CDH18: variants seen among roughly 807,000 people sequenced by gnomAD.
CDH18 encodes cadherin 18.
In CDH18, 31 loss-of-function variants were observed where a neutral mutation model predicts 67.9. The ratio of observed to expected loss-of-function variants is 0.46; its 90% CI spans 0.34 to 0.62. The LOEUF (loss-of-function observed/expected upper bound fraction) is 0.62. Ranked by LOEUF, CDH18 falls within the 20% of genes least tolerant of loss-of-function variation. The pLI is 0.01. For missense variants in CDH18, 890 were observed against 975.5 expected, an observed-to-expected ratio of 0.91 and a Z score of 1.17; for synonymous variants, 362 against 347.2, an observed-to-expected ratio of 1.04 and a Z score of -0.48.
chr5:20,147,695 AC>A (rs1750765868), intron 2 of CDH18, among the ~76,000 whole-genome samples: 1 of 151,976 alleles, frequency 6.6e-6, no homozygotes, highest in Non-Finnish European at 1.5e-5. Context: ...CAAAGTTGAA[AC>A]CTTTTTTGGT....
rs560956651 is a variant in CDH18 at position 20,368,569 on chromosome 5, A to G, written c.-579-113064T>C. Among the ~76,000 whole-genome samples the G allele has an allele frequency of 2.6e-5, 4 of 152,322 alleles. No homozygotes were observed. The South Asian group carries it at 8.3e-4, about 32-fold the overall frequency. On this transcript the variant is annotated intron_variant, in intron 1 of 14. Transcript: ENST00000507958. ...TTTTGAGGAGAGTGAATTTATTTTA[A>G]TGTGGCAGTTCTACTTTTGAATTGA... is the stretch of plus-strand genomic sequence containing the variant.
chr5:19,691,759 C>T (rs939535653), intron 5 of CDH18, among the ~76,000 whole-genome samples: 4 of 151,772 alleles, frequency 2.6e-5, no homozygotes, highest in African/African-American at 9.7e-5. Context: ...ATCCCACGCT[C>T]TTGGAAAGAA....
intron 1 of CDH18, among the ~76,000 whole-genome samples, chr5:20,538,922 T>TTTTTTTTTC: frequency 6.8e-6 from 1 of 148,130 alleles, no homozygotes; most frequent in Non-Finnish European, 1.5e-5. Context: ...TTTTTTTTTT[T>TTTTTTTTTC]TTGTCGCCCA....
At chr5:19,890,490 A>C (rs907190676) in intron 2 of CDH18, among the ~76,000 whole-genome samples, 1 of 152,152 alleles carries the variant, frequency 6.6e-6, no homozygotes, top group Non-Finnish European at 1.5e-5. Flanking sequence ...GCTAAGCTCC[A>C]TTCAAAGATA....
At chr5:20,388,396 A>G (rs895142874) in intron 1 of CDH18, among the ~76,000 whole-genome samples, 3 of 151,434 alleles carry the variant, frequency 2.0e-5, no homozygotes, top group African/African-American at 7.3e-5. Flanking sequence ...TTGTATTTCT[A>G]TGGGATCGGT....
intron 11 of CDH18, among the ~76,000 whole-genome samples, chr5:19,485,941 A>G (rs566516963): frequency 1.1e-4 from 17 of 152,182 alleles, no homozygotes; most frequent in Admixed American, 3.3e-4. Context: ...GAAGCATGCT[A>G]TTTTCAGGAA....
intron 5 of CDH18, among the ~76,000 whole-genome samples, chr5:19,644,234 A>G (rs1038021764): frequency 1.3e-5 from 2 of 152,170 alleles, no homozygotes; most frequent in African/African-American, 2.4e-5. Context: ...TTATCCAAGC[A>G]GCATAAGCTT....
chr5:19,958,264 G>A (rs764112603), intron 2 of CDH18, among the ~76,000 whole-genome samples: 4 of 149,760 alleles, frequency 2.7e-5, no homozygotes, highest in South Asian at 2.1e-4. Flanking sequence ...GCCATGTTGC[G>A]ATGCCCAATA....
intron 3 of CDH18, among the ~76,000 whole-genome samples, chr5:19,806,566 T>C (rs1035831653): frequency 1.3e-5 from 2 of 152,210 alleles, no homozygotes; most frequent in African/African-American, 2.4e-5. Flanking sequence ...TGAAGAATAC[T>C]AGTTCAATAT....
chr5:20,360,085 ATGT>A (rs1441135538), intron 1 of CDH18, among the ~76,000 whole-genome samples: 47 of 25,502 alleles, frequency 1.8e-3, no homozygotes, highest in African/African-American at 3.5e-3. Flanking sequence ...ACTATAATAT[ATGT>A]TATATATTAT....
intron 1 of CDH18, among the ~76,000 whole-genome samples, chr5:20,400,566 G>A (rs1157956419): frequency 6.7e-6 from 1 of 149,690 alleles, no homozygotes; most frequent in Non-Finnish European, 1.5e-5. Flanking sequence ...ATTGAGACCA[G>A]CCTGGCCAAC....
At chr5:20,088,294 C>A (rs1745142695) in intron 2 of CDH18, among the ~76,000 whole-genome samples, 1 of 152,200 alleles carries the variant, frequency 6.6e-6, no homozygotes, top group South Asian at 2.1e-4. Context: ...GAATATTTGA[C>A]TTCCTAGTAT....
intron 1 of CDH18, among the ~76,000 whole-genome samples, chr5:20,384,167 A>G (rs990309080): frequency 6.6e-6 from 1 of 152,200 alleles, no homozygotes; most frequent in Non-Finnish European, 1.5e-5. Flanking sequence ...ATTCTCAACC[A>G]TAGGCAAAAT....
intron 2 of CDH18, among the ~76,000 whole-genome samples, chr5:19,853,538 T>C (rs1378882672): frequency 6.6e-6 from 1 of 152,130 alleles, no homozygotes; most frequent in African/African-American, 2.4e-5. Context: ...GTAGTTTTTA[T>C]TGTGCCACAT....
intron 1 of CDH18, among the ~76,000 whole-genome samples, chr5:20,309,178 A>T (rs1421880171): frequency 6.6e-6 from 1 of 152,214 alleles, no homozygotes; most frequent in African/African-American, 2.4e-5. Context: ...TCTATCTCAT[A>T]CAAGTTATAG....
chr5:20,150,437 T>C (rs993049321), intron 2 of CDH18, among the ~76,000 whole-genome samples: 2 of 152,038 alleles, frequency 1.3e-5, no homozygotes, highest in Non-Finnish European at 2.9e-5. Context: ...CTATGAAGTA[T>C]AATAAGTTCA....
intron 1 of CDH18, among the ~76,000 whole-genome samples, chr5:20,521,917 A>C (rs1755765967): frequency 6.6e-6 from 1 of 152,188 alleles, no homozygotes; most frequent in East Asian, 1.9e-4. Flanking sequence ...TATTTCATAC[A>C]TTGAATTGTA....
intron 1 of CDH18, among the ~76,000 whole-genome samples, chr5:20,299,917 C>T (rs1170647484): frequency 6.6e-6 from 1 of 151,982 alleles, no homozygotes; most frequent in Non-Finnish European, 1.5e-5. Flanking sequence ...GTTAAGGTAT[C>T]TTTATGTAGG....
intron 8 of CDH18, among the ~76,000 whole-genome samples, chr5:19,549,983 A>G (rs1302333417): frequency 1.3e-5 from 2 of 152,066 alleles, no homozygotes; most frequent in Non-Finnish European, 1.5e-5. Flanking sequence ...TGTGCACCAG[A>G]GATCATCCAG....
Sources: gnomAD v4.1 joint callset for allele counts (sites outside exome capture counted in the v4.1 genomes callset) on GRCh38, gnomAD v4.1.1 for gene constraint, MANE v1.5 for transcripts, NCBI Gene and HGNC (gene_info 2026-07-23, HGNC 2026-07-21) for gene names.